RAB18: variants seen among roughly 807,000 people sequenced by gnomAD.
RAB18 encodes the protein RAB18, member RAS oncogene family.
Under a neutral mutation model 28.5 loss-of-function variants are expected in RAB18, and 10 were observed. The observed-to-expected ratio is 0.35, with a 90% CI of 0.22 to 0.60. The LOEUF is 0.60. Ranked by LOEUF, RAB18 falls within the 20% of genes least tolerant of loss-of-function variation. The pLI is 0.78. For synonymous variants in RAB18, 93 were observed against 86.9 expected, an observed-to-expected ratio of 1.07 and a Z score of -0.39; for missense variants, 188 against 244.2, an observed-to-expected ratio of 0.77 and a Z score of 1.53.
intron 4 of RAB18, 144 bp from the exon 5 acceptor site, chr10:27,533,591 A>G: frequency 2.2e-6 from 2 of 913,042 alleles, no homozygotes; most frequent in Non-Finnish European, 1.6e-6. Context: ...TTGGATCAGT[A>G]GACACTCAAT....
chr10:27,531,551 CA>C (rs1554902219), intron 3 of RAB18: 5 of 1,452,616 alleles, frequency 3.4e-6, no homozygotes, highest in Non-Finnish European at 3.8e-6. Context: ...CAGCAGACTG[CA>C]AACTTTTTCT....
intron 2 of RAB18, chr10:27,514,277 A>G (rs1367421869): frequency 1.3e-5 from 2 of 152,242 alleles, no homozygotes; most frequent in Admixed American, 6.5e-5. Context: ...AACCTAAAAT[A>G]TTGCCATAAA....
At chr10:27,537,189 T>C (rs1042351708) in intron 6 of RAB18, among the ~76,000 whole-genome samples, 1 of 152,188 alleles carries the variant, frequency 6.6e-6, no homozygotes, top group Non-Finnish European at 1.5e-5. Context: ...TGCAGGTAGC[T>C]TGGTAAATTT....
intron 3 of RAB18, among the ~76,000 whole-genome samples, chr10:27,530,262 A>T (rs1487397246): frequency 1.3e-5 from 2 of 152,038 alleles, no homozygotes; most frequent in African/African-American, 2.4e-5. Flanking sequence ...TTTGTTATGA[A>T]TATAGAACAG....
At chr10:27,509,034 G>A (rs1030719302) in intron 1 of RAB18, among the ~76,000 whole-genome samples, 1 of 152,154 alleles carries the variant, frequency 6.6e-6, no homozygotes, top group Non-Finnish European at 1.5e-5. Flanking sequence ...CTGCTTCATA[G>A]TAAGTAAAAT....
intron 2 of RAB18, among the ~76,000 whole-genome samples, chr10:27,520,466 T>C (rs1365714647): frequency 1.3e-5 from 2 of 152,178 alleles, no homozygotes; most frequent in Non-Finnish European, 2.9e-5. Flanking sequence ...GTTTTCCTTA[T>C]TGTGTTTTAT....
chr10:27,532,391 A>G, intron 3 of RAB18, 116 bp from the exon 4 acceptor site: 1 of 692,306 alleles, frequency 1.4e-6, no homozygotes, highest in Non-Finnish European at 2.4e-6. Flanking sequence ...CAGTTTTTTA[A>G]TGAGCTCATG....
At chr10:27,527,810 G>A (rs1834708952) in intron 3 of RAB18, among the ~76,000 whole-genome samples, 1 of 151,942 alleles carries the variant, frequency 6.6e-6, no homozygotes, top group Admixed American at 6.6e-5. Flanking sequence ...ATATTTCTTG[G>A]CATTCTCTGA....
Position 27,504,355 on chromosome 10 carries a change from C to T in RAB18, c.-15C>T, listed in dbSNP as rs560237665. 1.7e-5 allele frequency: 27 copies of T among 1,570,554 alleles called. No individual in the cohort carries two copies. The highest frequency in any genetic ancestry group is 1.2e-4 in the African/African-American group (9 of 74,524). ...CCCGGGCGGCCAGCTGGGCTCGGAG[C>T]GGAACGGGGTCAGGATGGACGAGGA... On this transcript the variant is annotated 5_prime_UTR_variant, in exon 1 of 7. Coordinates refer to ENST00000356940, the MANE Select transcript of RAB18 (RefSeq NM_021252.5).
intron 6 of RAB18, among the ~76,000 whole-genome samples, chr10:27,537,418 T>C (rs1388630100): frequency 6.6e-6 from 1 of 152,182 alleles, no homozygotes; most frequent in East Asian, 1.9e-4. Context: ...CCAGTTTTCA[T>C]GGTGGTTTGT....
At chr10:27,508,818 T>A (rs1834261339) in intron 1 of RAB18, among the ~76,000 whole-genome samples, 1 of 152,156 alleles carries the variant, frequency 6.6e-6, no homozygotes, top group African/African-American at 2.4e-5. Context: ...CCAGCAATAA[T>A]CACAACCTAT....
intron 2 of RAB18, among the ~76,000 whole-genome samples, chr10:27,513,810 C>G (rs1235017371): frequency 2.0e-5 from 3 of 152,262 alleles, no homozygotes; most frequent in African/African-American, 4.8e-5. Context: ...AACCTAAACC[C>G]CTTGTTTACA....
intron 3 of RAB18, among the ~76,000 whole-genome samples, chr10:27,527,496 T>C (rs1300223443): frequency 2.6e-5 from 4 of 152,010 alleles, no homozygotes; most frequent in African/African-American, 9.7e-5. Flanking sequence ...TATGTTTGTC[T>C]CTCTCTGTGT....
intron 1 of RAB18, 110 bp from the exon 2 acceptor site, chr10:27,509,765 C>T: frequency 1.2e-6 from 1 of 856,776 alleles, no homozygotes; most frequent in Non-Finnish European, 1.9e-6. Context: ...AGGCCTACAT[C>T]AGTTATTTTT....
At position 27,517,063 on chromosome 10, in the gene RAB18, A is replaced by G. The variant is rs17756134; in HGVS notation, c.124+7133A>G. On this transcript the variant is annotated intron_variant, in intron 2 of 6. Coordinates refer to ENST00000356940, the MANE Select transcript of RAB18 (RefSeq NM_021252.5). Reference sequence around the variant, plus strand: ...CTCTCTATAAAAGCTTCAAAACACAAGAAAAGAATTCAATGAGGGCCAGGT... The same window carrying G: ...CTCTCTATAAAAGCTTCAAAACACAGGAAAAGAATTCAATGAGGGCCAGGT... 0.023 allele frequency among the ~76,000 whole-genome samples: 3,534 copies of G among 152,238 alleles called. 313 individuals are homozygous for G. In the East Asian group the frequency reaches 0.3, roughly 13 times the overall value.
Position 27,537,124 on chromosome 10 carries a change from G to A in RAB18, c.446-752G>A, listed in dbSNP as rs1292931572. 2.0e-5 allele frequency among the ~76,000 whole-genome samples: 3 copies of A among 152,230 alleles called. No individual in the cohort carries two copies. In the East Asian group the frequency reaches 5.8e-4, roughly 29 times the overall value. ...AAAGAAGGCGATGGCTTGGATAGCAGCAGGGACAGTTTATCCATTCTCACA... is the reference window on the plus strand; with the variant it reads ...AAAGAAGGCGATGGCTTGGATAGCAACAGGGACAGTTTATCCATTCTCACA... On this transcript the variant is annotated intron_variant, in intron 6 of 6. Transcript: ENST00000356940.
intron 3 of RAB18, chr10:27,531,431 G>T (rs1012178748): frequency 1.4e-6 from 2 of 1,433,248 alleles, no homozygotes; most frequent in Non-Finnish European, 9.2e-7. Flanking sequence ...ATATCTGGGG[G>T]AGCTTCTGCT....
intron 2 of RAB18, among the ~76,000 whole-genome samples, chr10:27,513,236 T>C (rs1181160749): frequency 6.6e-6 from 1 of 151,868 alleles, no homozygotes; most frequent in African/African-American, 2.4e-5. Flanking sequence ...GGTTTTACTA[T>C]ATTGGCCAGG....
At chr10:27,519,931 A>T (rs1355640286) in intron 2 of RAB18, among the ~76,000 whole-genome samples, 2 of 152,168 alleles carry the variant, frequency 1.3e-5, no homozygotes, top group African/African-American at 4.8e-5. Context: ...GGTTTTTCAT[A>T]TATGGTGTAT....
Sources: gnomAD v4.1 joint callset for allele counts (sites outside exome capture counted in the v4.1 genomes callset) on GRCh38, gnomAD v4.1.1 for gene constraint, MANE v1.5 for transcripts, NCBI Gene and HGNC (gene_info 2026-07-23, HGNC 2026-07-21) for gene names.